Variants in TK2 observed in about 807,000 individuals in gnomAD.
TK2 encodes thymidine kinase 2.
TK2 carries 35 observed loss-of-function variants against 41.9 expected under a neutral mutation model. The ratio of observed to expected loss-of-function variants is 0.84; its 90% confidence interval spans 0.64 to 1.11. The LOEUF (loss-of-function observed/expected upper bound fraction) is 1.11. Among genes scored for constraint, TK2 ranks in the 50% least tolerant of loss-of-function variants. The pLI, the probability that TK2 is intolerant of heterozygous loss-of-function variation, is 0.00. For missense variants in TK2, 320 were observed against 351.1 expected (o/e 0.91, Z 0.71); for synonymous variants, 128 against 129.1 (o/e 0.99, Z 0.06).
intron 6 of TK2, among the ~76,000 whole-genome samples, chr16:66,525,160 C>A (rs1431310271): frequency 6.6e-6 from 1 of 152,160 alleles, no homozygotes; most frequent in Non-Finnish European, 1.5e-5. Flanking sequence ...TTCCAGGGAA[C>A]ACATAAGCAG....
intron 3 of TK2, among the ~76,000 whole-genome samples, chr16:66,541,171 C>T (rs1317859665): frequency 1.3e-5 from 2 of 152,148 alleles, no homozygotes; most frequent in Non-Finnish European, 2.9e-5. Flanking sequence ...CGTGTTTTGG[C>T]TTGGGTCCCA....
intron 1 of TK2, 68 bp from the exon 2 acceptor site, chr16:66,549,077 C>T (rs1965698081): frequency 1.2e-6 from 2 of 1,605,794 alleles, no homozygotes; most frequent in Admixed American, 1.7e-5. Context: ...TAATTTGCTA[C>T]ATGACCACAA....
intron 6 of TK2, among the ~76,000 whole-genome samples, chr16:66,523,191 T>C (rs200636633): frequency 6.6e-6 from 1 of 152,244 alleles, no homozygotes; most frequent in East Asian, 1.9e-4. Context: ...TGAACCAAGG[T>C]TGCAAGAGCT....
intron 4 of TK2, among the ~76,000 whole-genome samples, chr16:66,536,652 C>G (rs1222154760): frequency 6.6e-6 from 1 of 152,084 alleles, no homozygotes; most frequent in African/African-American, 2.4e-5. Context: ...TGATAGGTTT[C>G]TTCTAGGGGA....
At chr16:66,548,020 C>G (rs1965661603) in intron 2 of TK2, 1 of 1,249,762 alleles carries the variant, frequency 8.0e-7, no homozygotes, top group African/African-American at 1.5e-5. Flanking sequence ...ATCACTTGAG[C>G]CCAGGAGTTG....
intron 4 of TK2, among the ~76,000 whole-genome samples, chr16:66,534,044 C>T (rs1247542786): frequency 6.9e-6 from 1 of 145,200 alleles, no homozygotes. Context: ...ATCATGAGTA[C>T]AGAGCCCTCT....
chr16:66,517,020 C>T lies in TK2; in HGVS notation c.618+116G>A. On this transcript the variant is annotated intron_variant, in intron 8 of 9. Transcript: ENST00000544898. The surrounding 1 kb of genome is among the most constrained non-coding windows in gnomAD (Gnocchi z 4.3). ...CCCTCTGATACACTTGGTTCCTGTT[C>T]TCTCTCTGCAAACAAGGGCACAATG... is the stretch of plus-strand genomic sequence containing the variant. 1.1e-6 allele frequency: 1 copy of T among 932,228 alleles called. No individual in the cohort carries two copies. The highest frequency in any genetic ancestry group is 1.8e-6 in the Non-Finnish European group (1 of 562,208). 57.7% of individuals were successfully genotyped at this position (932,228 alleles called of 1,614,324 possible). A position where few individuals can be genotyped will look rare whatever the true frequency, so the allele number is the denominator to read the frequency against.
At chr16:66,539,105 T>C (rs1268117346) in intron 3 of TK2, among the ~76,000 whole-genome samples, 2 of 152,184 alleles carry the variant, frequency 1.3e-5, no homozygotes, top group Non-Finnish European at 2.9e-5. Flanking sequence ...TAACTATCGT[T>C]GTTAATCGGG....
At chr16:66,518,451 G>A (rs1192786186) in intron 6 of TK2, among the ~76,000 whole-genome samples, 1 of 152,148 alleles carries the variant, frequency 6.6e-6, no homozygotes, top group Non-Finnish European at 1.5e-5. Flanking sequence ...GATCACTTGA[G>A]CCCAGGGGTT....
chr16:66,531,030 T>G (rs1965094151), intron 5 of TK2, among the ~76,000 whole-genome samples: 1 of 152,202 alleles, frequency 6.6e-6, no homozygotes, highest in Non-Finnish European at 1.5e-5. Flanking sequence ...GCTGAAAATG[T>G]GCATTTCTAA....
chr16:66,536,338 G>A lies in TK2; in HGVS notation c.285+626C>T, dbSNP rs563207643. ...CTAATCATCCCTACCTCATGGGATG[G>A]GAGCTCAGAACCAACATCCTCTTCT... On this transcript the variant is annotated intron_variant, in intron 4 of 9. Coordinates refer to ENST00000544898, the MANE Select transcript of TK2 (RefSeq NM_004614.5). Among the ~76,000 whole-genome samples the A allele has an allele frequency of 1.6e-4, 24 of 152,236 alleles. No individual in the cohort carries two copies. The Middle Eastern group carries it at 0.01, about 65-fold the overall frequency.
Position 66,509,195 on chromosome 16 carries a change from G to A in TK2, c.*2773C>T, listed in dbSNP as rs886052194. The A allele has an allele frequency of 6.6e-6, 1 of 152,242 alleles. No homozygotes were observed. Among genetic ancestry groups the A allele is most frequent in the Non-Finnish European group, 1.5e-5 (1 of 68,076 alleles). 9.4% of individuals were successfully genotyped at this position (152,242 alleles called of 1,614,324 possible). On this transcript the variant is annotated 3_prime_UTR_variant, in exon 10 of 10. Transcript: ENST00000544898. ...GCATCTGGATTAAAGAGTGGATGGG[G>A]AGCAGTGGGCTCTGATGCCAACCGT...
Position 66,549,989 on chromosome 16 carries a change from G to T in TK2, c.73C>A (p.Pro25Thr). Residue 25 changes from proline (P) to threonine (T), a missense_variant, in exon 1 of 10, where the codon CCG becomes ACG. Physicochemically the swap from Pro to Thr is conservative, Grantham distance 38. Transcript: ENST00000544898. The stretch of plus-strand genomic sequence containing the variant: ...CTCCGCGGCCCGGGGCCTGAGGCCG[G>T]GCTCCCGCGACTTCCCGGCCCAAAG... ...RCFGPGSRGS[P>T]ASGPGPRRVQ... The T allele has an allele frequency of 6.6e-7, 1 of 1,516,822 alleles. No homozygotes were observed. Among genetic ancestry groups the T allele is most frequent in the Non-Finnish European group, 8.8e-7 (1 of 1,138,004 alleles). The allele number at this position is 1,516,822 out of a possible 1,614,324, so 94.0% of individuals were successfully genotyped here.
At chr16:66,549,142 GC>G in intron 1 of TK2, 133 bp from the exon 2 acceptor site, 1 of 1,536,064 alleles carries the variant, frequency 6.5e-7, no homozygotes. Context: ...CATTTTGGGC[GC>G]CCTCCGAGAT....
chr16:66,549,777 G>A, intron 1 of TK2, 161 bp downstream of exon 1: 1 of 1,279,614 alleles, frequency 7.8e-7, no homozygotes, highest in Non-Finnish European at 9.8e-7. Context: ...TCTCGCGCCC[G>A]GGTAACGGCC....
At chr16:66,547,379 G>A (rs1209400870) in intron 2 of TK2, among the ~76,000 whole-genome samples, 1 of 152,150 alleles carries the variant, frequency 6.6e-6, no homozygotes, top group Non-Finnish European at 1.5e-5. Context: ...GGGTGGGGGT[G>A]AGGCCCTTCA....
rs188559253 is a variant in TK2, at chr16:66,549,836, C to T, written c.124+102G>A. 1,052 of 1,284,034 alleles carry T rather than the reference C, an allele frequency of 8.2e-4. 5 individuals carry two copies. The African/African-American group carries it at 0.014, about 17-fold the overall frequency. The allele number at this position is 1,284,034 out of a possible 1,614,324, so 79.5% of individuals were successfully genotyped here. On this transcript the variant is annotated intron_variant, in intron 1 of 9. Transcript: ENST00000544898. ...CAGCCGGGGAGGAAATCCCGCGCCTCGGAAGAGGCGCTTCGGGCTCGGGCG... is the reference window on the plus strand; with the variant it reads ...CAGCCGGGGAGGAAATCCCGCGCCTTGGAAGAGGCGCTTCGGGCTCGGGCG...
chr16:66,545,598 C>T (rs1039964001), intron 2 of TK2, among the ~76,000 whole-genome samples: 12 of 152,200 alleles, frequency 7.9e-5, no homozygotes, highest in Non-Finnish European at 1.3e-4. Flanking sequence ...CCTAGACAGG[C>T]GGATCACCTG....
In TK2 at chr16:66,517,217, T is replaced by C; in HGVS notation, c.539-2A>G. The C allele has an allele frequency of 6.2e-7, 1 of 1,613,948 alleles. No individual in the cohort carries two copies. Among genetic ancestry groups the C allele is most frequent in the Non-Finnish European group, 8.5e-7 (1 of 1,179,836 alleles). On this transcript the variant is annotated splice_acceptor_variant, in intron 7 of 9. Transcript: ENST00000544898. LOFTEE classifies it high-confidence loss of function. This position sits in a 1 kb window ranked among gnomAD's most constrained non-coding sequence, Gnocchi z 4.3. ...TCTCAGGATTGGTCCGAAGGTAAACTGAGGTTAAAAGAATACGTGGCTCTC... is the reference window on the plus strand; with the variant it reads ...TCTCAGGATTGGTCCGAAGGTAAACCGAGGTTAAAAGAATACGTGGCTCTC...
Sources: allele counts gnomAD v4.1 joint callset (sites outside exome capture counted in the v4.1 genomes callset), GRCh38; gene constraint gnomAD v4.1.1; non-coding constraint Gnocchi (gnomAD v3.1); transcripts MANE v1.5; gene names NCBI Gene and HGNC (gene_info 2026-07-23, HGNC 2026-07-21).